Variants in PCDHGC4 observed in about 807,000 individuals in gnomAD.
The protein encoded by PCDHGC4 is protocadherin gamma-C4.
A neutral mutation model predicts 59.7 loss-of-function variants in PCDHGC4; 15 were observed. The ratio of observed to expected loss-of-function variants is 0.25; its 90% CI spans 0.17 to 0.39. PCDHGC4 has a LOEUF of 0.39. Among genes scored for constraint, PCDHGC4 ranks in the 10% least tolerant of loss-of-function variants. The pLI is 1.00. For synonymous variants in PCDHGC4, 434 were observed against 481.4 expected, an observed-to-expected ratio of 0.90 and a Z score of 1.29; for missense variants, 1,016 against 1,189.5, an observed-to-expected ratio of 0.85 and a Z score of 2.15.
Position 141,486,219 on chromosome 5 carries a change from A to G in PCDHGC4, c.1046A>G (p.Tyr349Cys). 1 of 1,614,134 alleles carries G rather than the reference A, an allele frequency of 6.2e-7. No individual in the cohort carries two copies. Among genetic ancestry groups the G allele is most frequent in the African/African-American group, 1.3e-5 (1 of 75,042 alleles). ...DLLDVNDNAP[Y>C]ITVTSELGTL... ...CTGGACGTAAATGACAATGCCCCTT[A>G]CATCACAGTGACCTCAGAGCTTGGA... Residue 349 changes from tyrosine to cysteine, a missense_variant, in exon 1 of 4, where the codon TAC becomes TGC. Transcript: ENST00000306593. This position sits in a 1 kb window ranked among gnomAD's most constrained non-coding sequence, Gnocchi z 5.0.
intron 3 of PCDHGC4, among the ~76,000 whole-genome samples, chr5:141,509,574 G>T (rs554778751): frequency 6.6e-6 from 1 of 152,300 alleles, no homozygotes; most frequent in South Asian, 2.1e-4. Context: ...TTCACAGTGC[G>T]TACAAATCAG....
Position 141,485,585 on chromosome 5 carries a change from C to G in PCDHGC4, c.412C>G (p.Leu138Val), listed in dbSNP as rs373987810. The G allele has an allele frequency of 7.4e-6, 12 of 1,612,204 alleles. No individual in the cohort carries two copies. The highest frequency in any genetic ancestry group is 1.0e-5 in the Non-Finnish European group (12 of 1,178,590). The change falls in exon 1 of 4, where the codon CTG (leucine) becomes GTG (valine). Residue 138 changes from leucine to valine, a missense_variant. Leu to Val is a conservative substitution (Grantham distance 32). Transcript: ENST00000306593. The surrounding 1 kb of genome is among the most constrained non-coding windows in gnomAD (Gnocchi z 5.7). ...CGCCCCCCGTTTTCCGCGGCAGCAG[C>G]TGGACTTGGAAATTGGGGAGGCAGC... Reference protein sequence around the residue: ...DHAPRFPRQQLDLEIGEAAPP... With the variant: ...DHAPRFPRQQVDLEIGEAAPP...
Position 141,491,013 on chromosome 5 carries a change from G to C in PCDHGC4, c.2442+3398G>C. ...CTCCTCCTGGCTCCTTGGTCACCAA[G>C]GTGACAGCCGTGGATGCTGATGCAG... On this transcript the variant is annotated intron_variant, in intron 1 of 3. Transcript: ENST00000306593. The surrounding 1 kb of genome is among the most constrained non-coding windows in gnomAD (Gnocchi z 6.9). 6.2e-7 allele frequency: 1 copy of C among 1,614,144 alleles called. No homozygotes were observed. Among genetic ancestry groups the C allele is most frequent in the Non-Finnish European group, 8.5e-7 (1 of 1,180,040 alleles).
intron 2 of PCDHGC4, among the ~76,000 whole-genome samples, chr5:141,495,943 C>T (rs998665622): frequency 3.9e-5 from 6 of 152,010 alleles, no homozygotes; most frequent in African/African-American, 1.4e-4. Flanking sequence ...GTCTCTGTGC[C>T]TGTTGTCTTT....
intron 2 of PCDHGC4, among the ~76,000 whole-genome samples, chr5:141,500,189 TTTATTTA>T (rs1562193869): frequency 4.5e-5 from 5 of 110,894 alleles, no homozygotes; most frequent in African/African-American, 1.8e-4. Context: ...TTTATTTTTA[TTTATTTA>T]TTTATTTATT....
rs548823035 is a variant in PCDHGC4 at position 141,499,447 on chromosome 5, C to T, written c.2501+4582C>T. ...AGAAAAAAAATTAAAAGGAAAACCA[C>T]CCATCATTTTACAATCTAGGGAGAA... On this transcript the variant is annotated intron_variant, in intron 2 of 3. Transcript: ENST00000306593. Among the ~76,000 whole-genome samples the T allele has an allele frequency of 3.8e-4, 58 of 152,250 alleles. 1 individual carries two copies. In the East Asian group the frequency reaches 9.1e-3, roughly 24 times the overall value.
chr5:141,496,523 G>T (rs1159517569), intron 2 of PCDHGC4, among the ~76,000 whole-genome samples: 1 of 152,128 alleles, frequency 6.6e-6, no homozygotes, highest in Non-Finnish European at 1.5e-5. Context: ...GGAGCCCTTG[G>T]TGTATGGCAG....
At position 141,486,960 on chromosome 5, in the gene PCDHGC4, T is replaced by C; in HGVS notation, c.1787T>C (p.Val596Ala). Residue 596 changes from valine to alanine, a missense_variant, in exon 1 of 4, where the codon GTG (valine) becomes GCG (alanine). Val to Ala is a moderately conservative substitution (Grantham distance 64). Transcript: ENST00000306593. The surrounding 1 kb of genome is among the most constrained non-coding windows in gnomAD (Gnocchi z 5.0). Reference sequence around the variant, plus strand: ...CACCTAATCACAAAGGTGACTGCTGTGGACTTGGATTCAGGTTACAATGCT... The same window carrying C: ...CACCTAATCACAAAGGTGACTGCTGCGGACTTGGATTCAGGTTACAATGCT... ...AGHLITKVTA[V>A]DLDSGYNAWV... The C allele has an allele frequency of 6.2e-7, 1 of 1,614,228 alleles. No individual in the cohort carries two copies. Among genetic ancestry groups the C allele is most frequent in the Non-Finnish European group, 8.5e-7 (1 of 1,180,034 alleles).
chr5:141,495,839 A>G (rs2099764148), intron 2 of PCDHGC4, among the ~76,000 whole-genome samples: 1 of 150,756 alleles, frequency 6.6e-6, no homozygotes, highest in South Asian at 2.1e-4. Flanking sequence ...CCCAGCCTCT[A>G]TGTTTCTCTG....
Position 141,485,468 on chromosome 5 carries a change from A to G in PCDHGC4, c.295A>G (p.Ser99Gly). The change falls in exon 1 of 4, where the codon AGT (serine) becomes GGT (glycine). Residue 99 changes from serine to glycine, a missense_variant. Physicochemically the swap from Ser to Gly is moderately conservative, Grantham distance 56. Coordinates refer to ENST00000306593, the MANE Select transcript of PCDHGC4 (RefSeq NM_018928.3). This position sits in a 1 kb window ranked among gnomAD's most constrained non-coding sequence, Gnocchi z 5.7. The stretch of plus-strand genomic sequence containing the variant: ...CGACCGAGAGGCACTGTGTGGGCTC[A>G]GTGCCAGCTGCATCGTGCCCCTGGA... ...PIDREALCGL[S>G]ASCIVPLEFV... 1 of 1,614,166 alleles carries G rather than the reference A, an allele frequency of 6.2e-7. No homozygotes were observed. Among genetic ancestry groups the G allele is most frequent in the Non-Finnish European group, 8.5e-7 (1 of 1,180,020 alleles).
intron 3 of PCDHGC4, among the ~76,000 whole-genome samples, chr5:141,506,011 C>T (rs1209221520): frequency 6.6e-6 from 1 of 152,204 alleles, no homozygotes; most frequent in Non-Finnish European, 1.5e-5. Flanking sequence ...TCCTCTTTTG[C>T]TGCCCCTAAC....
rs141095222 is a variant in PCDHGC4, at chr5:141,496,668, C to T, written c.2501+1803C>T. Reference sequence around the variant, plus strand: ...CCCTTCCTTTGACCCCAGCTGTTGTCCTTCTCCCTGCTGGCCTTGCCAACC... The same window carrying T: ...CCCTTCCTTTGACCCCAGCTGTTGTTCTTCTCCCTGCTGGCCTTGCCAACC... On this transcript the variant is annotated intron_variant, in intron 2 of 3. Coordinates refer to ENST00000306593, the MANE Select transcript of PCDHGC4 (RefSeq NM_018928.3). Among the ~76,000 whole-genome samples the T allele has an allele frequency of 1.3e-3, 204 of 152,328 alleles. 1 individual carries two copies. The highest frequency in any genetic ancestry group is 5.6e-3 in the Admixed American group (85 of 15,298).
intron 3 of PCDHGC4, among the ~76,000 whole-genome samples, chr5:141,510,518 GC>G (rs2099881500): frequency 6.6e-6 from 1 of 152,112 alleles, no homozygotes; most frequent in Non-Finnish European, 1.5e-5. Context: ...CCGTGTCACA[GC>G]CCTGAGAGAA....
chr5:141,489,915 C>T lies in PCDHGC4; in HGVS notation c.2442+2300C>T, dbSNP rs971312502. On this transcript the variant is annotated intron_variant, in intron 1 of 3. Coordinates refer to ENST00000306593, the MANE Select transcript of PCDHGC4 (RefSeq NM_018928.3). This position sits in a 1 kb window ranked among gnomAD's most constrained non-coding sequence, Gnocchi z 4.5. ...GGGGGACCCCAGCCCGCTCAGGGAC[C>T]ACCCTTATCTCTGTCATCGTGCTGG... The T allele has an allele frequency of 6.2e-7, 1 of 1,614,242 alleles. No individual in the cohort carries two copies. Among genetic ancestry groups the T allele is most frequent in the Non-Finnish European group, 8.5e-7 (1 of 1,180,044 alleles).
At position 141,511,106 on chromosome 5, in the gene PCDHGC4, G is replaced by T. The variant is rs536900646; in HGVS notation, c.2750G>T (p.Arg917Leu). ...NATLTNAAGK[R>L]DGKAPAGGNG... is the part of the protein sequence containing the mutation. Reference sequence around the variant, plus strand: ...ACACTGACCAACGCAGCTGGCAAGCGGGATGGCAAGGCCCCAGCAGGTGGC... The same window carrying T: ...ACACTGACCAACGCAGCTGGCAAGCTGGATGGCAAGGCCCCAGCAGGTGGC... Residue 917 changes from arginine to leucine, a missense_variant, in exon 4 of 4, where the codon CGG becomes CTG. Transcript: ENST00000306593. 8.7e-6 allele frequency: 14 copies of T among 1,614,196 alleles called. No individual in the cohort carries two copies. Among genetic ancestry groups the T allele is most frequent in the Non-Finnish European group, 1.2e-5 (14 of 1,180,016 alleles).
At position 141,485,930 on chromosome 5, in the gene PCDHGC4, G is replaced by C; in HGVS notation, c.757G>C (p.Glu253Gln). ...QQSSYRISVLESAPAGMVLIQ... is the reference protein window; with the variant it reads ...QQSSYRISVLQSAPAGMVLIQ... ...ATCCAGCTACAGGATTAGTGTGTTGGAGAGCGCACCAGCGGGCATGGTGCT... is the reference window on the plus strand; with the variant it reads ...ATCCAGCTACAGGATTAGTGTGTTGCAGAGCGCACCAGCGGGCATGGTGCT... The change falls in exon 1 of 4, where the codon GAG (glutamate) becomes CAG (glutamine). Residue 253 changes from glutamate to glutamine, a missense_variant. Physicochemically the swap from Glu to Gln is conservative, Grantham distance 29. Coordinates refer to ENST00000306593, the MANE Select transcript of PCDHGC4 (RefSeq NM_018928.3). The surrounding 1 kb of genome is among the most constrained non-coding windows in gnomAD (Gnocchi z 5.7). 6.2e-7 allele frequency: 1 copy of C among 1,614,178 alleles called. No homozygotes were observed. The highest frequency in any genetic ancestry group is 8.5e-7 in the Non-Finnish European group (1 of 1,180,042).
In PCDHGC4 at chr5:141,487,186, A is replaced by G; in HGVS notation, c.2013A>G (p.Pro671=). 4 of 1,613,760 alleles carry G rather than the reference A, an allele frequency of 2.5e-6. No individual in the cohort carries two copies. The highest frequency in any genetic ancestry group is 2.5e-6 in the Non-Finnish European group (3 of 1,179,662). ...TGTCCTTAGAGGAAGACACTCATCC[A>G]GTTGTCCCAGATCTTCGAGAATCTT... is the stretch of plus-strand genomic sequence containing the variant. ...LLVSLEEDTH[P]VVPDLRESSA... is the part of the protein sequence containing the mutation. Residue 671 remains proline, a synonymous_variant, in exon 1 of 4, where the codon CCA becomes CCG. Coordinates refer to ENST00000306593, the MANE Select transcript of PCDHGC4 (RefSeq NM_018928.3). This position sits in a 1 kb window ranked among gnomAD's most constrained non-coding sequence, Gnocchi z 5.0.
At chr5:141,510,277 A>C (rs1242709133) in intron 3 of PCDHGC4, among the ~76,000 whole-genome samples, 5 of 151,916 alleles carry the variant, frequency 3.3e-5, no homozygotes, top group Admixed American at 2.6e-4. Flanking sequence ...CATCTTAAAA[A>C]AAAAAAAAAA....
At position 141,505,495 on chromosome 5, in the gene PCDHGC4, G is replaced by A. The variant is rs767547572; in HGVS notation, c.2590+14G>A. On this transcript the variant is annotated intron_variant, in intron 3 of 3. Transcript: ENST00000306593. ...CGTCCGCCAGTGGTAAGTGGTGTCA[G>A]TGTGTGTATGGAAGAGTGGGAGACC... The A allele has an allele frequency of 7.9e-5, 128 of 1,614,092 alleles. No homozygotes were observed. Among genetic ancestry groups the A allele is most frequent in the Non-Finnish European group, 1.0e-4 (123 of 1,180,008 alleles).
Sources: gnomAD v4.1 joint callset for allele counts (sites outside exome capture counted in the v4.1 genomes callset) on GRCh38, gnomAD v4.1.1 for gene constraint, Gnocchi (gnomAD v3.1) non-coding constraint, MANE v1.5 for transcripts, NCBI Gene and HGNC (gene_info 2026-07-23, HGNC 2026-07-21) for gene names.